RGS6: variants seen among roughly 807,000 people sequenced by gnomAD.
The protein encoded by RGS6 is regulator of G protein signaling 6, also known as regulator of G-protein signaling 6.
Under a neutral mutation model 78.5 loss-of-function variants are expected in RGS6, and 30 were observed. That is an observed-to-expected ratio of 0.38 (90% CI 0.29 to 0.52). RGS6 has a LOEUF of 0.52. Ranked by LOEUF, RGS6 falls within the 20% of genes least tolerant of loss-of-function variation. RGS6 has a pLI of 0.85. For missense variants in RGS6, 495 were observed against 609.7 expected, an observed-to-expected ratio of 0.81 and a Z score of 1.98; for synonymous variants, 206 against 206.0, an observed-to-expected ratio of 1.00 and a Z score of 0.00.
intron 2 of RGS6, among the ~76,000 whole-genome samples, chr14:72,311,082 A>G (rs2068504815): frequency 6.6e-6 from 1 of 152,262 alleles, no homozygotes; most frequent in African/African-American, 2.4e-5. Flanking sequence ...CGAAGAATGT[A>G]GAGAGAAGCG....
At chr14:72,570,493 A>G (rs964060411), downstream of RGS6, among the ~76,000 whole-genome samples, 1 of 152,250 alleles carries the variant, frequency 6.6e-6, no homozygotes, top group African/African-American at 2.4e-5. Context: ...GGTAGTGGTT[A>G]CATGATAGTA....
the RGS6 span, among the ~76,000 whole-genome samples, chr14:71,914,556 C>T: frequency 6.6e-6 from 1 of 152,112 alleles, no homozygotes; most frequent in Non-Finnish European, 1.5e-5. Flanking sequence ...ATTCGGGTCC[C>T]TCCTTGCTGA....
At chr14:72,317,946 C>T (rs955376974) in intron 2 of RGS6, among the ~76,000 whole-genome samples, 1 of 152,148 alleles carries the variant, frequency 6.6e-6, no homozygotes, top group African/African-American at 2.4e-5. Flanking sequence ...TTTTATTTGA[C>T]AAAAGACAAA....
Position 72,366,142 on chromosome 14 carries a change from C to T in RGS6, c.184+13948C>T, listed in dbSNP as rs113750643. Among the ~76,000 whole-genome samples, 1,422 of 152,268 alleles carry T rather than the reference C, an allele frequency of 9.3e-3. 8 individuals carry two copies. The highest frequency in any genetic ancestry group is 0.021 in the South Asian group (102 of 4,812). On this transcript the variant is annotated intron_variant, in intron 3 of 17. Transcript: ENST00000553525. ...CTTGAGATAACATGCTCACCCACCC[C>T]ACATCTTCTATGATTTTGAGTTTGA...
chr14:72,006,103 A>T (rs552842339), intron 2 of RGS6, among the ~76,000 whole-genome samples: 1 of 152,144 alleles, frequency 6.6e-6, no homozygotes, highest in Non-Finnish European at 1.5e-5. Context: ...AATGCTTCCT[A>T]TAGGCAGGAG....
intron 2 of RGS6, among the ~76,000 whole-genome samples, chr14:72,168,476 G>A (rs541099053): frequency 5.3e-5 from 8 of 152,286 alleles, no homozygotes; most frequent in African/African-American, 1.9e-4. Flanking sequence ...TGGTCGAGAT[G>A]TTCCTTAAAT....
intron 2 of RGS6, among the ~76,000 whole-genome samples, chr14:72,144,556 G>T (rs1186134186): frequency 6.6e-6 from 1 of 152,008 alleles, no homozygotes. Flanking sequence ...CCATTTATTC[G>T]TATTTATCGA....
the RGS6 span, among the ~76,000 whole-genome samples, chr14:72,585,688 G>A: frequency 1.3e-5 from 2 of 152,224 alleles, no homozygotes; most frequent in African/African-American, 2.4e-5. Flanking sequence ...AGGAGCTAGA[G>A]GAATAAGTCC....
At chr14:72,079,469 G>C (rs1597222729) in intron 2 of RGS6, among the ~76,000 whole-genome samples, 1 of 151,834 alleles carries the variant, frequency 6.6e-6, no homozygotes, top group East Asian at 1.9e-4. Flanking sequence ...GATATATGTA[G>C]GCATTGTGCA....
intron 3 of RGS6, among the ~76,000 whole-genome samples, chr14:72,433,448 TA>T (rs2094748191): frequency 6.6e-6 from 1 of 151,692 alleles, no homozygotes. Context: ...CACATTTACC[TA>T]AGTAACGAAA....
At chr14:72,540,614 G>T in intron 17 of RGS6, 1 of 1,465,882 alleles carries the variant, frequency 6.8e-7, no homozygotes, top group Non-Finnish European at 9.1e-7. Flanking sequence ...GTGCTGCATG[G>T]GTCCTGGCGA....
the RGS6 span, among the ~76,000 whole-genome samples, chr14:72,571,776 C>G: frequency 6.6e-6 from 1 of 150,794 alleles, no homozygotes; most frequent in Non-Finnish European, 1.5e-5. Context: ...AGGTAAAACA[C>G]TAAAAATGAA....
At chr14:71,881,469 G>A in the RGS6 span, among the ~76,000 whole-genome samples, 2 of 152,200 alleles carry the variant, frequency 1.3e-5, no homozygotes, top group African/African-American at 4.8e-5. Context: ...GAGGGACCTG[G>A]TGGGAGATAA....
chr14:72,018,706 T>C (rs968930410), intron 2 of RGS6, among the ~76,000 whole-genome samples: 5 of 152,168 alleles, frequency 3.3e-5, no homozygotes, highest in Non-Finnish European at 7.4e-5. Flanking sequence ...CCCACAGACT[T>C]TGCCTGTTTC....
chr14:72,488,089 G>A (rs947242487), intron 12 of RGS6, among the ~76,000 whole-genome samples: 8 of 152,080 alleles, frequency 5.3e-5, no homozygotes, highest in African/African-American at 1.9e-4. Flanking sequence ...CCTTTACAAA[G>A]CCTCTGACTT....
chr14:72,599,404 T>G, the RGS6 span, among the ~76,000 whole-genome samples: 3,654 of 108,494 alleles, frequency 0.034, 684 homozygotes, highest in East Asian at 0.074. Flanking sequence ...TTTTTTTTTT[T>G]TTTTTTTTTT....
chr14:72,170,385 T>C (rs1026584481), intron 2 of RGS6, among the ~76,000 whole-genome samples: 5 of 152,230 alleles, frequency 3.3e-5, no homozygotes, highest in African/African-American at 1.2e-4. Context: ...TCTGTAAATG[T>C]TCCTAGCTCC....
intron 2 of RGS6, among the ~76,000 whole-genome samples, chr14:72,176,353 G>A (rs2097105004): frequency 6.6e-6 from 1 of 152,178 alleles, no homozygotes; most frequent in South Asian, 2.1e-4. Context: ...CAGAAAGGGG[G>A]AAATGGGATT....
intron 14 of RGS6, among the ~76,000 whole-genome samples, chr14:72,512,845 G>C (rs1404626298): frequency 6.6e-6 from 1 of 152,234 alleles, no homozygotes; most frequent in African/African-American, 2.4e-5. Flanking sequence ...TATCATCTTA[G>C]CACCAACCGT....
Sources: gnomAD v4.1 joint callset for allele counts (sites outside exome capture counted in the v4.1 genomes callset) on GRCh38, gnomAD v4.1.1 for gene constraint, MANE v1.5 for transcripts, NCBI Gene and HGNC (gene_info 2026-07-23, HGNC 2026-07-21) for gene names.